MET: variants seen among roughly 807,000 people sequenced by gnomAD.
MET encodes the protein hepatocyte growth factor receptor.
MET carries 48 observed loss-of-function variants against 133.1 expected under a neutral mutation model. That is an observed-to-expected ratio of 0.36 (90% CI 0.29 to 0.46). MET has a LOEUF of 0.46. Among genes scored for constraint, MET ranks in the 20% least tolerant of loss-of-function variants. The pLI, the probability that MET is intolerant of heterozygous loss-of-function variation, is 1.00. For synonymous variants in MET, 628 were observed against 616.5 expected (o/e 1.02, Z -0.28); for missense variants, 1,442 against 1,695.9 (o/e 0.85, Z 2.63).
intron 2 of MET, among the ~76,000 whole-genome samples, chr7:116,722,105 A>G (rs1792514839): frequency 6.6e-6 from 1 of 150,862 alleles, no homozygotes; most frequent in African/African-American, 2.4e-5. Context: ...TCCCATTATT[A>G]ATGTGTGGGA....
intron 2 of MET, among the ~76,000 whole-genome samples, chr7:116,703,919 A>G (rs918728162): frequency 2.6e-5 from 4 of 152,174 alleles, no homozygotes; most frequent in Admixed American, 6.5e-5. Context: ...TACAATTAGC[A>G]CACAACACTG....
intron 9 of MET, 86 bp downstream of exon 9, chr7:116,758,706 T>C (rs1794283718): frequency 7.4e-7 from 1 of 1,343,324 alleles, no homozygotes; most frequent in African/African-American, 1.4e-5. Flanking sequence ...ATTGCAGTTT[T>C]ATCTCTGGCT....
chr7:116,716,328 A>AGAGAGG (rs1792200975), intron 2 of MET, among the ~76,000 whole-genome samples: 1 of 137,642 alleles, frequency 7.3e-6, no homozygotes, highest in Non-Finnish European at 1.6e-5. Flanking sequence ...AGAGAGAGAG[A>AGAGAGG]GAGAGAGAGA....
rs45571634 is a variant in MET, at chr7:116,796,010, C to T, written c.4059C>T (p.Asn1353=). The change falls in exon 21 of 21, where the codon AAC becomes AAT. Residue 1353 remains asparagine, a synonymous_variant. Coordinates refer to ENST00000397752, the MANE Select transcript of MET (RefSeq NM_000245.4). ...TFIGEHYVHV[N]ATYVNVKCVA... The stretch of plus-strand genomic sequence containing the variant: ...TTGGGGAGCACTATGTCCATGTGAA[C>T]GCTACTTATGTGAACGTAAAATGTG... 2 of 1,613,948 alleles carry T rather than the reference C, an allele frequency of 1.2e-6. No individual in the cohort carries two copies. Among genetic ancestry groups the T allele is most frequent in the East Asian group, 2.2e-5 (1 of 44,862 alleles).
At position 116,699,455 on chromosome 7, in the gene MET, C is replaced by T. The variant is rs1791477416; in HGVS notation, c.371C>T (p.Thr124Ile). The change falls in exon 2 of 21, where the codon ACC (threonine) becomes ATC (isoleucine). Residue 124 changes from threonine to isoleucine, a missense_variant. Physicochemically the swap from Thr to Ile is moderately conservative, Grantham distance 89 (BLOSUM62 -1). This residue lies in a region of MET where 762 missense variants were observed against 792.4 expected (regional missense o/e 0.96). Coordinates refer to ENST00000397752, the MANE Select transcript of MET (RefSeq NM_000245.4). ...DNINMALVVD[T>I]YYDDQLISCG... is the part of the protein sequence containing the mutation. ...ATCAACATGGCTCTAGTTGTCGACACCTACTATGATGATCAACTCATTAGC... is the reference window on the plus strand; with the variant it reads ...ATCAACATGGCTCTAGTTGTCGACATCTACTATGATGATCAACTCATTAGC... 1 of 1,613,996 alleles carries T rather than the reference C, an allele frequency of 6.2e-7. No individual in the cohort carries two copies.
chr7:116,687,525 C>T (rs1044724117), intron 1 of MET, among the ~76,000 whole-genome samples: 1 of 152,134 alleles, frequency 6.6e-6, no homozygotes, highest in Non-Finnish European at 1.5e-5. Context: ...TATGTTCACC[C>T]AAGGAATCCA....
intron 3 of MET, among the ~76,000 whole-genome samples, chr7:116,737,523 T>A (rs1048552423): frequency 6.6e-6 from 1 of 152,214 alleles, no homozygotes; most frequent in East Asian, 1.9e-4. Context: ...GATTCTGGCC[T>A]CAGATAAAGC....
chr7:116,741,433 G>C (rs1448539890), intron 5 of MET, among the ~76,000 whole-genome samples: 3 of 152,142 alleles, frequency 2.0e-5, no homozygotes, highest in Non-Finnish European at 4.4e-5. Context: ...TTCCTATATA[G>C]GCCAAGTGCC....
intron 5 of MET, among the ~76,000 whole-genome samples, chr7:116,750,851 C>A (rs936739142): frequency 7.9e-5 from 12 of 152,110 alleles, no homozygotes; most frequent in Non-Finnish European, 1.8e-4. Context: ...TAGAGAAATG[C>A]AAATCAAAAC....
At chr7:116,756,760 C>T (rs1252650433) in intron 6 of MET, among the ~76,000 whole-genome samples, 1 of 152,054 alleles carries the variant, frequency 6.6e-6, no homozygotes, top group Non-Finnish European at 1.5e-5. Context: ...AGAGATTGGC[C>T]TATTTGTAGT....
intron 4 of MET, 96 bp downstream of exon 4, chr7:116,740,180 A>C: frequency 7.1e-7 from 1 of 1,404,640 alleles, no homozygotes; most frequent in East Asian, 2.3e-5. Context: ...GTCTCTCTTC[A>C]TCTTAAATTT....
At chr7:116,735,983 G>A (rs1346631305) in intron 3 of MET, among the ~76,000 whole-genome samples, 1 of 151,732 alleles carries the variant, frequency 6.6e-6, no homozygotes, top group African/African-American at 2.4e-5. Context: ...TCGCCATGTT[G>A]GCCAGGCTGG....
rs45520237 is a variant in MET at position 116,757,506 on chromosome 7, C to T, written c.1932C>T (p.His644=). 99 of 1,613,720 alleles carry T rather than the reference C, an allele frequency of 6.1e-5. No individual in the cohort carries two copies. The African/African-American group carries it at 6.5e-4, about 11-fold the overall frequency. The change falls in exon 7 of 21, where the codon CAC becomes CAT. Residue 644 remains histidine, a synonymous_variant. Transcript: ENST00000397752. The part of the protein sequence containing the change: ...FNMSIIISNG[H]GTTQYSTFSY... ...TGTCCATAATTATTTCAAATGGCCA[C>T]GGGACAACACAATACAGTACATTCT...
intron 11 of MET, among the ~76,000 whole-genome samples, chr7:116,765,286 CAAA>C (rs754418396): frequency 3.1e-5 from 1 of 31,888 alleles, no homozygotes. Flanking sequence ...GGAGACAGAG[CAAA>C]AAAAAAAAAA....
At chr7:116,783,194 GA>G (rs761884841) in intron 18 of MET, 109 bp from the exon 19 acceptor site, 243 of 1,267,166 alleles carry the variant, frequency 1.9e-4, no homozygotes, top group Non-Finnish European at 2.6e-4. Context: ...ACTTCCTTCA[GA>G]AGTTATGGAT....
chr7:116,791,775 T>C (rs181083017), intron 19 of MET, among the ~76,000 whole-genome samples: 1 of 152,132 alleles, frequency 6.6e-6, no homozygotes, highest in African/African-American at 2.4e-5. Context: ...AGTGATTCTT[T>C]TACCTCAGCC....
At position 116,758,693 on chromosome 7, in the gene MET, G is replaced by A. The variant is rs866255765; in HGVS notation, c.2264+73G>A. 3 of 1,471,390 alleles carry A rather than the reference G, an allele frequency of 2.0e-6. 1 individual carries two copies. The highest frequency in any genetic ancestry group is 2.3e-5 in the South Asian group (2 of 86,888). 91.1% of individuals were successfully genotyped at this position (1,471,390 alleles called of 1,614,324 possible). A position where few individuals can be genotyped will look rare whatever the true frequency, so the allele number is the denominator to read the frequency against. On this transcript the variant is annotated intron_variant, in intron 9 of 20. Transcript: ENST00000397752. ...TGATTTTGCTGTAGAATAGTCAAGAGGAATTGCAGTTTTATCTCTGGCTTT... is the reference window on the plus strand; with the variant it reads ...TGATTTTGCTGTAGAATAGTCAAGAAGAATTGCAGTTTTATCTCTGGCTTT...
chr7:116,729,503 C>T (rs908584018), intron 2 of MET, among the ~76,000 whole-genome samples: 6 of 152,078 alleles, frequency 3.9e-5, no homozygotes, highest in Non-Finnish European at 1.5e-5. Flanking sequence ...TGTTCTTAAA[C>T]AATAAAATGA....
intron 19 of MET, among the ~76,000 whole-genome samples, chr7:116,792,423 C>T (rs893627786): frequency 6.7e-6 from 1 of 150,056 alleles, no homozygotes; most frequent in Non-Finnish European, 1.5e-5. Flanking sequence ...GTACACCTCC[C>T]TCCCCTCACC....
Sources: gnomAD v4.1 joint callset for allele counts (sites outside exome capture counted in the v4.1 genomes callset) on GRCh38, gnomAD v4.1.1 for gene constraint, gnomAD v4.1.1 regional missense constraint, MANE v1.5 for transcripts, NCBI Gene and HGNC (gene_info 2026-07-23, HGNC 2026-07-21) for gene names.